The following RAD52 variants were observed in gnomAD, a reference collection of about 807,000 sequenced individuals.
The protein encoded by RAD52 is DNA repair protein RAD52 homolog.
Under a neutral mutation model 55.5 loss-of-function variants are expected in RAD52, and 47 were observed. The observed-to-expected ratio is 0.85, with a 90% confidence interval of 0.67 to 1.08. RAD52 has a LOEUF of 1.08. Ranked by LOEUF, RAD52 falls within the 50% of genes least tolerant of loss-of-function variation. The pLI is 0.00. For synonymous variants in RAD52, 184 were observed against 198.9 expected, an observed-to-expected ratio of 0.92 and a Z score of 0.63; for missense variants, 468 against 522.8, an observed-to-expected ratio of 0.90 and a Z score of 1.02.
At position 933,042 on chromosome 12, in the gene RAD52, T is replaced by G; in HGVS notation, c.17A>C (p.Glu6Ala). Reference sequence around the variant, plus strand: ...GCTGTCACGTCCTCCAAGAATTGCTTCCTCAGTCCCAGACATCTTGATTCT... The same window carrying G: ...GCTGTCACGTCCTCCAAGAATTGCTGCCTCAGTCCCAGACATCTTGATTCT... MSGTE[E>A]AILGGRDSHP... Residue 6 changes from glutamate to alanine, a missense_variant, in exon 2 of 12, where the codon GAA becomes GCA. By Grantham distance (107) the Glu-to-Ala change is moderately radical. Coordinates refer to ENST00000358495, the MANE Select transcript of RAD52 (RefSeq NM_134424.4). The G allele has an allele frequency of 1.2e-6, 2 of 1,613,718 alleles. No homozygotes were observed. The highest frequency in any genetic ancestry group is 2.2e-5 in the South Asian group (2 of 91,084).
intron 7 of RAD52, among the ~76,000 whole-genome samples, chr12:925,005 C>T (rs1314420108): frequency 6.9e-6 from 1 of 145,562 alleles, no homozygotes; most frequent in African/African-American, 2.6e-5. Flanking sequence ...GGTTGGAGTG[C>T]AGTGGTGCCA....
At chr12:974,926 G>A (rs542978152) in intron 1 of RAD52, 9 of 152,248 alleles carry the variant, frequency 5.9e-5, no homozygotes, top group East Asian at 1.9e-4. Context: ...AACACCTGTG[G>A]TTACAGTAGT....
Position 916,834 on chromosome 12 carries a change from A to C in RAD52, c.544-14T>G, listed in dbSNP as rs1180416796. On this transcript the variant is annotated splice_polypyrimidine_tract_variant and intron_variant, in intron 7 of 11. Transcript: ENST00000358495. ...TTCAAGAGGCAACTAGAAGGAAAGA[A>C]GAAAAACAAATTCCTTCAACTGGCT... is the stretch of plus-strand genomic sequence containing the variant. The C allele has an allele frequency of 1.3e-6, 2 of 1,590,192 alleles. No homozygotes were observed. The highest frequency in any genetic ancestry group is 1.7e-6 in the Non-Finnish European group (2 of 1,160,668).
intron 1 of RAD52, among the ~76,000 whole-genome samples, chr12:944,266 T>C (rs144085372): frequency 1.8e-3 from 279 of 151,874 alleles, no homozygotes; most frequent in Middle Eastern, 3.4e-3. Context: ...CTCACGCCTG[T>C]AATCCCAGCA....
At chr12:990,098 AAT>A (rs1317018403), upstream of RAD52, 1 of 152,218 alleles carries the variant, frequency 6.6e-6, no homozygotes, top group African/African-American at 2.4e-5. Flanking sequence ...CTGGTGAGTG[AAT>A]GAATGTGAAG....
intron 1 of RAD52, among the ~76,000 whole-genome samples, chr12:982,260 C>T (rs75076277): frequency 0.029 from 4,367 of 152,294 alleles, 90 homozygotes; most frequent in South Asian, 0.089. Context: ...TCTCATCTCT[C>T]TTCCTGGCTT....
chr12:913,870 T>A, intron 11 of RAD52, 24 bp downstream of exon 11: 1 of 1,588,180 alleles, frequency 6.3e-7, no homozygotes, highest in Non-Finnish European at 8.6e-7. Context: ...CCTTAATTTT[T>A]GTGCCTAAAC....
At chr12:974,380 A>G (rs1439040190) in intron 1 of RAD52, 3 of 152,206 alleles carry the variant, frequency 2.0e-5, no homozygotes, top group African/African-American at 2.4e-5. Context: ...TTCTCTAGTA[A>G]GAGGGAGGCT....
intron 9 of RAD52, among the ~76,000 whole-genome samples, chr12:915,850 G>C (rs1259783918): frequency 6.6e-6 from 1 of 152,098 alleles, no homozygotes; most frequent in Admixed American, 6.5e-5. Context: ...GAGTAGGGGG[G>C]ACCACAGGCA....
intron 1 of RAD52, among the ~76,000 whole-genome samples, chr12:979,178 G>A (rs1480340754): frequency 1.3e-5 from 2 of 152,108 alleles, no homozygotes; most frequent in Non-Finnish European, 1.5e-5. Flanking sequence ...GGTGGCTCAC[G>A]CCTGTAATCC....
At chr12:935,991 G>C (rs981765842) in intron 1 of RAD52, among the ~76,000 whole-genome samples, 7 of 149,966 alleles carry the variant, frequency 4.7e-5, no homozygotes, top group Non-Finnish European at 7.4e-5. Flanking sequence ...CACCATGCCA[G>C]AACACTTCTC....
intron 1 of RAD52, among the ~76,000 whole-genome samples, chr12:944,654 G>A (rs936231562): frequency 8.6e-5 from 13 of 150,782 alleles, no homozygotes; most frequent in South Asian, 4.2e-4. Context: ...GAGAGAGCCT[G>A]GACTAGGATA....
chr12:915,025 C>T (rs1956281451), intron 9 of RAD52, among the ~76,000 whole-genome samples: 1 of 152,166 alleles, frequency 6.6e-6, no homozygotes, highest in Non-Finnish European at 1.5e-5. Flanking sequence ...CCCAGCCACT[C>T]AGGAGGCTGA....
chr12:961,332 A>AAAAAAAAAAAAAAAAAAAT, intron 1 of RAD52, among the ~76,000 whole-genome samples: 1 of 142,260 alleles, frequency 7.0e-6, no homozygotes, highest in African/African-American at 2.6e-5. Flanking sequence ...AAAAAAAAAA[A>AAAAAAAAAAAAAAAAAAAT]GGGCCAGTGA....
At chr12:979,645 C>T (rs944960154) in intron 1 of RAD52, among the ~76,000 whole-genome samples, 2 of 152,070 alleles carry the variant, frequency 1.3e-5, no homozygotes, top group African/African-American at 4.8e-5. Context: ...GGAAGAGAGG[C>T]CTCACAATAA....
intron 1 of RAD52, among the ~76,000 whole-genome samples, chr12:961,919 T>C (rs1958692105): frequency 6.6e-6 from 1 of 151,840 alleles, no homozygotes; most frequent in South Asian, 2.1e-4. Context: ...GCTCACACAG[T>C]GGAAAAGCCA....
intron 7 of RAD52, among the ~76,000 whole-genome samples, chr12:918,434 T>C (rs967269561): frequency 1.3e-5 from 2 of 152,188 alleles, no homozygotes; most frequent in African/African-American, 4.8e-5. Flanking sequence ...TCTCGCTCTG[T>C]GGCCCAGGCT....
At chr12:945,994 G>A (rs964234126) in intron 1 of RAD52, among the ~76,000 whole-genome samples, 61 of 152,024 alleles carry the variant, frequency 4.0e-4, no homozygotes, top group African/African-American at 1.5e-3. Flanking sequence ...CCGCACTCCA[G>A]CCTGGGCGAC....
chr12:956,354 T>C (rs1958605911), intron 1 of RAD52, among the ~76,000 whole-genome samples: 4 of 152,194 alleles, frequency 2.6e-5, no homozygotes, highest in Admixed American at 2.6e-4. Context: ...TGCTATAAGT[T>C]ATTAATCATT....
Sources: gnomAD v4.1 joint callset for allele counts (sites outside exome capture counted in the v4.1 genomes callset) on GRCh38, gnomAD v4.1.1 for gene constraint, MANE v1.5 for transcripts, NCBI Gene and HGNC (gene_info 2026-07-23, HGNC 2026-07-21) for gene names.